CFAP61: variants seen among roughly 807,000 people sequenced by gnomAD.
CFAP61 encodes the protein cilia- and flagella-associated protein 61.
In CFAP61, 107 loss-of-function variants were observed where a neutral mutation model predicts 135.6. The observed-to-expected ratio is 0.79, with a 90% CI of 0.67 to 0.93. The LOEUF (loss-of-function observed/expected upper bound fraction) is 0.93, where lower values mean the gene tolerates loss of function less well. CFAP61 is among the 40% of genes least tolerant of loss of function. The probability of loss-of-function intolerance (pLI) is 0.00; values close to 1 mark genes in which losing one functional copy is unlikely to be tolerated. For synonymous variants in CFAP61, 575 were observed against 578.5 expected (o/e 0.99, Z 0.09); for missense variants, 1,507 against 1,556.2 (o/e 0.97, Z 0.53).
intron 21 of CFAP61, among the ~76,000 whole-genome samples, chr20:20,269,217 A>G (rs2053127844): frequency 6.9e-6 from 1 of 144,490 alleles, no homozygotes; most frequent in Non-Finnish European, 1.5e-5. Context: ...ATATACACAT[A>G]TATACATATA....
chr20:20,354,671 G>A (rs1018955466), intron 26 of CFAP61, among the ~76,000 whole-genome samples: 2 of 152,034 alleles, frequency 1.3e-5, no homozygotes, highest in East Asian at 1.9e-4. Flanking sequence ...ACTGTGAGAA[G>A]GGAGGTAGTC....
intron 20 of CFAP61, among the ~76,000 whole-genome samples, chr20:20,261,640 C>T (rs1017582164): frequency 5.3e-5 from 8 of 151,884 alleles, no homozygotes; most frequent in African/African-American, 1.9e-4. Context: ...AATGACACTT[C>T]TTTGTCTGAT....
chr20:20,237,380 G>A (rs1361155929), intron 18 of CFAP61, among the ~76,000 whole-genome samples: 1 of 152,148 alleles, frequency 6.6e-6, no homozygotes, highest in Non-Finnish European at 1.5e-5. Flanking sequence ...CAGGACCAGG[G>A]AGCTCTGAGC....
chr20:20,187,810 A>G (rs2055619771), intron 13 of CFAP61, 120 bp from the exon 14 acceptor site: 3 of 760,632 alleles, frequency 3.9e-6, no homozygotes, highest in African/African-American at 1.8e-5. Flanking sequence ...CCAGTGTTAT[A>G]TAAACATACT....
At chr20:20,260,991 A>G (rs1225062358) in intron 20 of CFAP61, among the ~76,000 whole-genome samples, 2 of 152,234 alleles carry the variant, frequency 1.3e-5, no homozygotes, top group Non-Finnish European at 2.9e-5. Context: ...AATGCTATCA[A>G]CATTTTAGTG....
At chr20:20,272,661 C>T (rs1369572692) in intron 21 of CFAP61, among the ~76,000 whole-genome samples, 1 of 152,146 alleles carries the variant, frequency 6.6e-6, no homozygotes, top group Non-Finnish European at 1.5e-5. Context: ...CACTTGCCCT[C>T]GGTTTGTCCC....
At chr20:20,163,817 C>A (rs1438429774) in intron 10 of CFAP61, among the ~76,000 whole-genome samples, 1 of 151,922 alleles carries the variant, frequency 6.6e-6, no homozygotes, top group African/African-American at 2.4e-5. Flanking sequence ...GTTCCCCTCC[C>A]TGTGTCCATG....
At chr20:20,129,705 A>G (rs1460468130) in intron 8 of CFAP61, among the ~76,000 whole-genome samples, 3 of 147,836 alleles carry the variant, frequency 2.0e-5, no homozygotes, top group Admixed American at 2.0e-4. Flanking sequence ...TTTTCAGGTA[A>G]TTTTCTGTAT....
intron 20 of CFAP61, among the ~76,000 whole-genome samples, chr20:20,256,804 T>C (rs2051632432): frequency 6.6e-6 from 1 of 152,234 alleles, no homozygotes; most frequent in South Asian, 2.1e-4. Context: ...GAAAAACATA[T>C]TGTCCAGCTG....
rs141905026 is a variant in CFAP61 at position 20,280,885 on chromosome 20, T to G, written c.2796+3427T>G. On this transcript the variant is annotated intron_variant, in intron 22 of 26. Transcript: ENST00000245957. The stretch of plus-strand genomic sequence containing the variant: ...TCCACGTTCTTGTCAGCACTTGGTG[T>G]TGTCAAATTTTAGTCACTCTTGTGG... Among the ~76,000 whole-genome samples the G allele has an allele frequency of 2.0e-3, 304 of 152,336 alleles. 3 individuals are homozygous for G. Among genetic ancestry groups the G allele is most frequent in the East Asian group, 9.8e-3 (51 of 5,182 alleles).
At chr20:20,142,688 G>A (rs928542737) in intron 8 of CFAP61, among the ~76,000 whole-genome samples, 169 bp from the exon 9 acceptor site, 5 of 152,036 alleles carry the variant, frequency 3.3e-5, no homozygotes, top group African/African-American at 9.7e-5. Context: ...GTCAAAATTC[G>A]GGGGGGCTGC....
chr20:20,108,994 A>C (rs967646871), intron 8 of CFAP61, among the ~76,000 whole-genome samples: 1 of 152,210 alleles, frequency 6.6e-6, no homozygotes, highest in Non-Finnish European at 1.5e-5. Context: ...GTTACTTGTC[A>C]TATTGTCTTT....
At chr20:20,314,343 T>C (rs1386856377) in intron 25 of CFAP61, among the ~76,000 whole-genome samples, 1 of 148,868 alleles carries the variant, frequency 6.7e-6, no homozygotes. Flanking sequence ...TGAGCCAAGA[T>C]TGCACCACTG....
intron 8 of CFAP61, among the ~76,000 whole-genome samples, chr20:20,123,823 G>A (rs554368890): frequency 6.6e-6 from 1 of 151,780 alleles, no homozygotes; most frequent in African/African-American, 2.4e-5. Context: ...GCTTTTGGCA[G>A]CATGGTCATT....
chr20:20,067,823 T>C (rs377166552), intron 2 of CFAP61, among the ~76,000 whole-genome samples: 9 of 149,140 alleles, frequency 6.0e-5, no homozygotes, highest in South Asian at 4.2e-4. Context: ...TTTCCTCCTC[T>C]TCTTTCCCTT....
intron 25 of CFAP61, chr20:20,322,914 G>A (rs1346833188): frequency 1.0e-6 from 1 of 985,306 alleles, no homozygotes; most frequent in Non-Finnish European, 1.2e-6. Context: ...CTATACTTAA[G>A]TAGCTTATTT....
At chr20:20,237,467 G>C (rs2049685288) in intron 18 of CFAP61, among the ~76,000 whole-genome samples, 1 of 152,144 alleles carries the variant, frequency 6.6e-6, no homozygotes, top group African/African-American at 2.4e-5. Context: ...TGTAACCTCT[G>C]TCTCACCCCA....
intron 8 of CFAP61, among the ~76,000 whole-genome samples, chr20:20,137,466 A>T (rs939517046): frequency 1.3e-5 from 2 of 152,124 alleles, no homozygotes; most frequent in Non-Finnish European, 2.9e-5. Context: ...GCACTAGGCA[A>T]AGTACTTTCC....
intron 10 of CFAP61, among the ~76,000 whole-genome samples, chr20:20,163,176 T>A (rs1438823352): frequency 6.6e-6 from 1 of 152,246 alleles, no homozygotes; most frequent in African/African-American, 2.4e-5. Context: ...AATATTATTT[T>A]AAATTTTTCC....
Sources: gnomAD v4.1 joint callset for allele counts (sites outside exome capture counted in the v4.1 genomes callset) on GRCh38, gnomAD v4.1.1 for gene constraint, MANE v1.5 for transcripts, NCBI Gene and HGNC (gene_info 2026-07-23, HGNC 2026-07-21) for gene names.